Variants in PARD3B observed in about 807,000 individuals in gnomAD.
The protein encoded by PARD3B is partitioning defective 3 homolog B.
PARD3B carries 103 observed loss-of-function variants against 130.2 expected under a neutral mutation model. That is an observed-to-expected ratio of 0.79 (90% CI 0.67 to 0.93). The LOEUF (loss-of-function observed/expected upper bound fraction) is 0.93, where lower values mean the gene tolerates loss of function less well. PARD3B is among the 40% of genes least tolerant of loss of function. The pLI is 0.00. For missense variants in PARD3B, 1,609 were observed against 1,499.2 expected (o/e 1.07, Z -1.21); for synonymous variants, 583 against 553.2 (o/e 1.05, Z -0.76).
At position 204,939,772 on chromosome 2, in the gene PARD3B, C is replaced by T. The variant is rs547269525; in HGVS notation, c.223-25380C>T. On this transcript the variant is annotated intron_variant, in intron 2 of 22. Transcript: ENST00000406610. ...GGGCCTTGTAGCTTTTTGCAAATAA[C>T]TGATAAAATATTTCTTTAGGGAAAC... Among the ~76,000 whole-genome samples the T allele has an allele frequency of 3.3e-5, 5 of 152,202 alleles. No homozygotes were observed. In the South Asian group the frequency reaches 1.0e-3, roughly 32 times the overall value.
chr2:205,273,866 A>G (rs1245850431), intron 16 of PARD3B, among the ~76,000 whole-genome samples: 1 of 152,190 alleles, frequency 6.6e-6, no homozygotes, highest in Non-Finnish European at 1.5e-5. Flanking sequence ...GTTATCTATG[A>G]TCTTGAACTT....
In PARD3B at chr2:205,589,711, G is replaced by C. The variant is rs1255597100; in HGVS notation, c.3261-25745G>C. Among the ~76,000 whole-genome samples the C allele has an allele frequency of 2.0e-5, 3 of 152,176 alleles. No homozygotes were observed. Among genetic ancestry groups the C allele is most frequent in the African/African-American group, 7.2e-5 (3 of 41,436 alleles). On this transcript the variant is annotated intron_variant, in intron 22 of 22. Coordinates refer to ENST00000406610, the MANE Select transcript of PARD3B (RefSeq NM_001302769.2). This position sits in a 1 kb window ranked among gnomAD's most constrained non-coding sequence, Gnocchi z 4.1. ...TTGCTAGAGGACTCGAGTTAGGGATGATTCACTTTCTCAGAAGTAGACTAA... is the reference window on the plus strand; with the variant it reads ...TTGCTAGAGGACTCGAGTTAGGGATCATTCACTTTCTCAGAAGTAGACTAA...
chr2:205,541,423 A>T (rs572374931), intron 21 of PARD3B, among the ~76,000 whole-genome samples: 2 of 147,056 alleles, frequency 1.4e-5, no homozygotes, highest in South Asian at 4.3e-4. Flanking sequence ...ATCTTGGTTC[A>T]CTAAAACCTC....
intron 1 of PARD3B, among the ~76,000 whole-genome samples, chr2:204,637,700 T>A (rs1293869587): frequency 6.6e-6 from 1 of 152,160 alleles, no homozygotes; most frequent in African/African-American, 2.4e-5. Flanking sequence ...GCTATAATAG[T>A]TTATGATACC....
chr2:204,669,567 G>A lies in PARD3B; in HGVS notation c.121-16614G>A, dbSNP rs545781730. On this transcript the variant is annotated intron_variant, in intron 1 of 22. Transcript: ENST00000406610. This position sits in a 1 kb window ranked among gnomAD's most constrained non-coding sequence, Gnocchi z 4.3. ...GTTTAGTAGTTACGACATTGGCATT[G>A]TTAGGAATGACAAATAGTCATTTCC... 4.3e-4 allele frequency among the ~76,000 whole-genome samples: 66 copies of A among 152,236 alleles called. No homozygotes were observed. Among genetic ancestry groups the A allele is most frequent in the African/African-American group, 1.5e-3 (61 of 41,548 alleles).
rs140611633 is a variant in PARD3B at position 204,941,370 on chromosome 2, T to C, written c.223-23782T>C. On this transcript the variant is annotated intron_variant, in intron 2 of 22. Coordinates refer to ENST00000406610, the MANE Select transcript of PARD3B (RefSeq NM_001302769.2). ...GCCTGGGCGACAGAGCGAGACTCTG[T>C]CTAAAGAAGAAAAAGGAAAGTTCTA... 3.1e-3 allele frequency among the ~76,000 whole-genome samples: 477 copies of C among 152,318 alleles called. 5 individuals are homozygous for C. Among genetic ancestry groups the C allele is most frequent in the African/African-American group, 0.011 (445 of 41,574 alleles).
chr2:204,736,901 T>C (rs894811610), intron 2 of PARD3B, among the ~76,000 whole-genome samples: 12 of 152,198 alleles, frequency 7.9e-5, no homozygotes, highest in Admixed American at 1.3e-4. Flanking sequence ...ACCAGCAGTG[T>C]ATAACCATTC....
At position 205,125,734 on chromosome 2, in the gene PARD3B, G is replaced by A. The variant is rs900530687; in HGVS notation, c.1431G>A (p.Glu477=). The stretch of plus-strand genomic sequence containing the variant: ...AAGAAGGACATTTTCTGCCCCGAGA[G>A]TTGGTAATGTTCAGATCTCAGTCTC... ...ARQEGHFLPR[E]LKGEPDCCAL... The change falls in exon 10 of 23, where the codon GAG becomes GAA. Residue 477 remains glutamate, a synonymous_variant. Transcript: ENST00000406610. The surrounding 1 kb of genome is among the most constrained non-coding windows in gnomAD (Gnocchi z 4.0). 1.2e-5 allele frequency: 20 copies of A among 1,614,048 alleles called. No homozygotes were observed. Among genetic ancestry groups the A allele is most frequent in the Non-Finnish European group, 1.7e-5 (20 of 1,180,002 alleles).
intron 1 of PARD3B, among the ~76,000 whole-genome samples, chr2:204,619,657 T>TC (rs1384280841): frequency 6.6e-6 from 1 of 152,122 alleles, no homozygotes; most frequent in Non-Finnish European, 1.5e-5. Context: ...CTTCTGGGTG[T>TC]CCATTTCTAA....
intron 3 of PARD3B, among the ~76,000 whole-genome samples, chr2:204,994,520 T>A (rs2125251694): frequency 7.3e-6 from 1 of 137,370 alleles, no homozygotes; most frequent in South Asian, 2.6e-4. Flanking sequence ...AATTTTGGAA[T>A]AGGTGTGGTG....
chr2:205,116,355 C>A lies in PARD3B; in HGVS notation c.681-2566C>A, dbSNP rs1704028932. On this transcript the variant is annotated intron_variant, in intron 6 of 22. Coordinates refer to ENST00000406610, the MANE Select transcript of PARD3B (RefSeq NM_001302769.2). This position sits in a 1 kb window ranked among gnomAD's most constrained non-coding sequence, Gnocchi z 4.5. Reference sequence around the variant, plus strand: ...GATAAAGACTGTGAGAAGAGATGTTCAAACCAAAATTCTAAGCTGGTAGAG... The same window carrying A: ...GATAAAGACTGTGAGAAGAGATGTTAAAACCAAAATTCTAAGCTGGTAGAG... Among the ~76,000 whole-genome samples, 1 of 152,006 alleles carries A rather than the reference C, an allele frequency of 6.6e-6. No homozygotes were observed. The highest frequency in any genetic ancestry group is 2.1e-4 in the South Asian group (1 of 4,826).
At chr2:205,061,274 G>A (rs561953752) in intron 4 of PARD3B, among the ~76,000 whole-genome samples, 1 of 152,098 alleles carries the variant, frequency 6.6e-6, no homozygotes, top group East Asian at 1.9e-4. Context: ...TAAGGTTCTG[G>A]CATGGCAGTG....
At chr2:204,686,327 C>A in intron 2 of PARD3B, 45 bp downstream of exon 2, 2 of 1,356,516 alleles carry the variant, frequency 1.5e-6, no homozygotes, top group Non-Finnish European at 2.1e-6. Flanking sequence ...CTCTACAGAG[C>A]TGCATGTTTT....
intron 15 of PARD3B, among the ~76,000 whole-genome samples, chr2:205,206,554 T>C (rs1312442620): frequency 6.6e-6 from 1 of 151,458 alleles, no homozygotes; most frequent in African/African-American, 2.4e-5. Context: ...ACTCATCATT[T>C]TTTATGGCTG....
intron 4 of PARD3B, among the ~76,000 whole-genome samples, chr2:205,089,892 G>T (rs893419850): frequency 6.6e-6 from 1 of 152,158 alleles, no homozygotes; most frequent in East Asian, 1.9e-4. Flanking sequence ...TAACCAATAT[G>T]TTTGATTCTA....
intron 2 of PARD3B, among the ~76,000 whole-genome samples, chr2:204,727,810 G>T (rs896507144): frequency 2.6e-5 from 4 of 152,172 alleles, no homozygotes; most frequent in African/African-American, 9.7e-5. Context: ...TGATCAGTGG[G>T]TGGAGATTTT....
chr2:205,064,329 T>G (rs951448226), intron 4 of PARD3B, among the ~76,000 whole-genome samples: 1 of 152,208 alleles, frequency 6.6e-6, no homozygotes, highest in Admixed American at 6.5e-5. Flanking sequence ...TTGCTTCTGC[T>G]TCACTCTTTC....
At chr2:205,328,100 C>T (rs1234794683) in intron 18 of PARD3B, among the ~76,000 whole-genome samples, 3 of 152,110 alleles carry the variant, frequency 2.0e-5, no homozygotes, top group East Asian at 3.9e-4. Flanking sequence ...AATTTTACCA[C>T]CAAATTAGAC....
chr2:204,907,009 C>G lies in PARD3B; in HGVS notation c.223-58143C>G, dbSNP rs776384922. 1.3e-5 allele frequency among the ~76,000 whole-genome samples: 2 copies of G among 151,698 alleles called. No individual in the cohort carries two copies. Among genetic ancestry groups the G allele is most frequent in the Admixed American group, 6.6e-5 (1 of 15,246 alleles). On this transcript the variant is annotated intron_variant, in intron 2 of 22. Transcript: ENST00000406610. This position sits in a 1 kb window ranked among gnomAD's most constrained non-coding sequence, Gnocchi z 5.7. ...TTTTTTTTTTCTTTTCAGACTGAGT[C>G]TTGCTCTGTCGCCCAGGCTGGAGTT...
Sources: allele counts gnomAD v4.1 joint callset (sites outside exome capture counted in the v4.1 genomes callset), GRCh38; gene constraint gnomAD v4.1.1; non-coding constraint Gnocchi (gnomAD v3.1); transcripts MANE v1.5; gene names NCBI Gene and HGNC (gene_info 2026-07-23, HGNC 2026-07-21).